ZDHHC14: variants seen among roughly 807,000 people sequenced by gnomAD.
ZDHHC14 encodes palmitoyltransferase ZDHHC14.
A neutral mutation model predicts 47.7 loss-of-function variants in ZDHHC14; 16 were observed. That is an observed-to-expected ratio of 0.34 (90% confidence interval 0.23 to 0.51). ZDHHC14 has a LOEUF of 0.51. Among genes scored for constraint, ZDHHC14 ranks in the 20% least tolerant of loss-of-function variants. The pLI, the probability that ZDHHC14 is intolerant of heterozygous loss-of-function variation, is 0.97. For missense variants in ZDHHC14, 515 were observed against 662.5 expected, an observed-to-expected ratio of 0.78 and a Z score of 2.44; for synonymous variants, 293 against 278.9, an observed-to-expected ratio of 1.05 and a Z score of -0.50.
chr6:157,665,068 G>C (rs1778494536), intron 8 of ZDHHC14, among the ~76,000 whole-genome samples: 1 of 152,184 alleles, frequency 6.6e-6, no homozygotes, highest in African/African-American at 2.4e-5. Context: ...GAATTGGTTG[G>C]TTGTGGGGCT....
chr6:157,659,552 A>G (rs140058043), intron 8 of ZDHHC14, among the ~76,000 whole-genome samples: 2,957 of 152,344 alleles, frequency 0.019, 48 homozygotes, highest in Non-Finnish European at 0.03. Context: ...TCAGCTGCTA[A>G]TAACAGACAT....
intron 1 of ZDHHC14, 39 bp from the exon 2 acceptor site, chr6:157,542,546 C>A (rs1310072251): frequency 6.3e-7 from 1 of 1,596,864 alleles, no homozygotes; most frequent in South Asian, 1.1e-5. Context: ...TATTTCCTTT[C>A]TTTTCCCCTT....
At chr6:157,408,322 G>A (rs773970634) in intron 1 of ZDHHC14, among the ~76,000 whole-genome samples, 10 of 151,866 alleles carry the variant, frequency 6.6e-5, no homozygotes, top group Non-Finnish European at 1.2e-4. Flanking sequence ...TATAAGTTCC[G>A]GGGTACATGT....
intron 1 of ZDHHC14, among the ~76,000 whole-genome samples, chr6:157,386,001 GTA>G (rs1419752643): frequency 1.3e-5 from 2 of 152,138 alleles, no homozygotes; most frequent in Non-Finnish European, 2.9e-5. Context: ...ATACAGTATA[GTA>G]TATACAGTAC....
chr6:157,516,927 G>A (rs1780713478), intron 1 of ZDHHC14, among the ~76,000 whole-genome samples: 1 of 152,196 alleles, frequency 6.6e-6, no homozygotes, highest in Non-Finnish European at 1.5e-5. Flanking sequence ...GTGGTGCCTT[G>A]GGAGGGCACA....
intron 1 of ZDHHC14, among the ~76,000 whole-genome samples, chr6:157,482,013 A>G (rs1293332243): frequency 6.6e-6 from 1 of 152,198 alleles, no homozygotes; most frequent in Non-Finnish European, 1.5e-5. Flanking sequence ...TTGTTGATTA[A>G]GCAAGGCAAA....
chr6:157,592,908 T>C, intron 2 of ZDHHC14, 80 bp from the exon 3 acceptor site: 1 of 1,513,736 alleles, frequency 6.6e-7, no homozygotes, highest in Admixed American at 2.3e-5. Context: ...GCCCTGGAGC[T>C]TACACTCCAG....
intron 4 of ZDHHC14, chr6:157,629,521 C>T (rs1379419470): frequency 6.9e-6 from 1 of 145,622 alleles, no homozygotes; most frequent in African/African-American, 2.5e-5. Context: ...CTGGTGGGTT[C>T]GTATGGGGGT....
chr6:157,556,737 C>T (rs1002299125), intron 2 of ZDHHC14, among the ~76,000 whole-genome samples: 2 of 152,088 alleles, frequency 1.3e-5, no homozygotes, highest in Non-Finnish European at 2.9e-5. Context: ...ACAGGGGACA[C>T]GAGGCTGGTG....
rs562699852 is a variant in ZDHHC14, at chr6:157,560,557, GT to G, written c.406+17821del. On this transcript the variant is annotated intron_variant, in intron 2 of 8. Coordinates refer to ENST00000359775, the MANE Select transcript of ZDHHC14 (RefSeq NM_024630.3). ...AGGAATTATAAGGAAATATAAACAA[GT>G]TTTTTTTTGTGATTGGACTGGCAAG... 4.1e-3 allele frequency among the ~76,000 whole-genome samples: 625 copies of G among 151,362 alleles called. 1 individual carries two copies. Among genetic ancestry groups the G allele is most frequent in the African/African-American group, 0.014 (598 of 41,306 alleles).
chr6:157,393,353 C>A (rs1035721894), intron 1 of ZDHHC14, among the ~76,000 whole-genome samples: 6 of 152,118 alleles, frequency 3.9e-5, no homozygotes, highest in African/African-American at 1.4e-4. Flanking sequence ...AGCCAACGGC[C>A]CTGCCTGTGA....
rs150275450 is a variant in ZDHHC14 at position 157,425,737 on chromosome 6, G to A, written c.245+43471G>A. Among the ~76,000 whole-genome samples, 277 of 152,228 alleles carry A rather than the reference G, an allele frequency of 1.8e-3. 2 individuals are homozygous for A. The highest frequency in any genetic ancestry group is 6.3e-3 in the African/African-American group (261 of 41,530). On this transcript the variant is annotated intron_variant, in intron 1 of 8. Transcript: ENST00000359775. The stretch of plus-strand genomic sequence containing the variant: ...TCTTGCCTGCATCCCCAGCCCCTGG[G>A]CCATCCGGTCCCTGTTTCCCCTGCA...
At chr6:157,388,462 TTTAAA>T (rs1183275162) in intron 1 of ZDHHC14, among the ~76,000 whole-genome samples, 13 of 152,284 alleles carry the variant, frequency 8.5e-5, no homozygotes, top group East Asian at 3.9e-4. Context: ...AGCAAGAAAA[TTTAAA>T]TTAAGAGTTG....
chr6:157,529,229 C>T (rs1338282306), intron 1 of ZDHHC14: 1 of 153,608 alleles, frequency 6.5e-6, no homozygotes, highest in African/African-American at 2.4e-5. Flanking sequence ...CAACCCCACC[C>T]TCTCTTCACA....
At chr6:157,535,087 C>T (rs1289887941) in intron 1 of ZDHHC14, among the ~76,000 whole-genome samples, 3 of 152,126 alleles carry the variant, frequency 2.0e-5, no homozygotes, top group Non-Finnish European at 4.4e-5. Flanking sequence ...CTGGGAGGCC[C>T]TGAGTTAAGA....
At chr6:157,465,112 T>C (rs1779178552) in intron 1 of ZDHHC14, among the ~76,000 whole-genome samples, 1 of 145,576 alleles carries the variant, frequency 6.9e-6, no homozygotes, top group African/African-American at 2.5e-5. Context: ...CTCCTTTTTT[T>C]TTTTTTTTTT....
intron 1 of ZDHHC14, among the ~76,000 whole-genome samples, chr6:157,522,712 C>A (rs898624020): frequency 1.5e-5 from 2 of 136,852 alleles, no homozygotes; most frequent in East Asian, 4.2e-4. Context: ...TTCTTTTCTT[C>A]CCTTTCATTT....
intron 1 of ZDHHC14, among the ~76,000 whole-genome samples, chr6:157,426,390 C>T (rs982118737): frequency 2.2e-4 from 34 of 152,208 alleles, no homozygotes; most frequent in Middle Eastern, 3.2e-3. Flanking sequence ...TGGTTTGGAA[C>T]ATTCAACAGT....
chr6:157,545,653 G>A (rs1408637195), intron 2 of ZDHHC14, among the ~76,000 whole-genome samples: 1 of 151,876 alleles, frequency 6.6e-6, no homozygotes, highest in Non-Finnish European at 1.5e-5. Context: ...CAGCCTGGGC[G>A]ACAGGGGAGA....
Sources: allele counts gnomAD v4.1 joint callset (sites outside exome capture counted in the v4.1 genomes callset), GRCh38; gene constraint gnomAD v4.1.1; transcripts MANE v1.5; gene names NCBI Gene and HGNC (gene_info 2026-07-23, HGNC 2026-07-21).